Variants in PCSK6 observed in about 807,000 individuals in gnomAD.
PCSK6 encodes the protein proprotein convertase subtilisin/kexin type 6.
In PCSK6, 85 loss-of-function variants were observed where a neutral mutation model predicts 123.3. The ratio of observed to expected loss-of-function variants is 0.69; its 90% confidence interval spans 0.58 to 0.83. The LOEUF is 0.83. PCSK6 is among the 40% of genes least tolerant of loss of function. The probability of loss-of-function intolerance (pLI) is 0.00; values close to 1 mark genes in which losing one functional copy is unlikely to be tolerated. For missense variants in PCSK6, 1,191 were observed against 1,282.3 expected (o/e 0.93, Z 1.09); for synonymous variants, 508 against 516.0 (o/e 0.98, Z 0.21).
At position 101,307,273 on chromosome 15, in the gene PCSK6, A is replaced by C; in HGVS notation, c.2752T>G (p.Cys918Gly). 6.2e-7 allele frequency: 1 copy of C among 1,613,770 alleles called. No individual in the cohort carries two copies. ...CCCAGCTGTGTGAAGCCCGTCTTAC[A>C]CCTGCTACAGTTCCTGCTGGAGCCT... The part of the protein sequence containing the change: ...CAGSSRNCSR[C>G]KTGFTQLGTS... Residue 918 changes from cysteine to glycine, a missense_variant, in exon 21 of 22, where the codon TGT (cysteine) becomes GGT (glycine). Coordinates refer to ENST00000611716, the MANE Select transcript of PCSK6 (RefSeq NM_002570.5).
intron 8 of PCSK6, among the ~76,000 whole-genome samples, chr15:101,391,879 T>C (rs1232333570): frequency 1.3e-5 from 2 of 152,236 alleles, no homozygotes; most frequent in African/African-American, 4.8e-5. Context: ...CTCCAAACTA[T>C]ACCCTTCTTA....
At chr15:101,318,509 G>A (rs2040045511) in intron 18 of PCSK6, 87 bp from the exon 19 acceptor site, 2 of 1,089,994 alleles carry the variant, frequency 1.8e-6, no homozygotes, top group Non-Finnish European at 2.7e-6. Flanking sequence ...AAGAGGAGAT[G>A]TAAGTGGCTG....
At chr15:101,348,766 G>A (rs964390193) in intron 13 of PCSK6, among the ~76,000 whole-genome samples, 5 of 152,132 alleles carry the variant, frequency 3.3e-5, no homozygotes, top group Non-Finnish European at 7.4e-5. Flanking sequence ...GAGAGATTCC[G>A]TGACCAGGCC....
At chr15:101,354,836 T>C (rs1164570993) in intron 13 of PCSK6, among the ~76,000 whole-genome samples, 2 of 152,202 alleles carry the variant, frequency 1.3e-5, no homozygotes, top group Non-Finnish European at 2.9e-5. Context: ...AAAGCACAAA[T>C]CATAGGCATC....
intron 1 of PCSK6, among the ~76,000 whole-genome samples, chr15:101,476,068 C>T (rs536143694): frequency 6.6e-6 from 1 of 152,296 alleles, no homozygotes; most frequent in South Asian, 2.1e-4. Flanking sequence ...TTGGCTCTGG[C>T]ACCTACAAGT....
intron 13 of PCSK6, among the ~76,000 whole-genome samples, chr15:101,351,039 T>C (rs2040876405): frequency 6.6e-6 from 1 of 152,232 alleles, no homozygotes; most frequent in Non-Finnish European, 1.5e-5. Context: ...CACTATATTT[T>C]GTCATTATCT....
At position 101,389,461 on chromosome 15, in the gene PCSK6, T is replaced by TA; in HGVS notation, c.1310+2dup. On this transcript the variant is annotated splice_region_variant and intron_variant, in intron 9 of 21. Coordinates refer to ENST00000611716, the MANE Select transcript of PCSK6 (RefSeq NM_002570.5). ...TTTTAGAAAAAGGTAAGTGGGAACT[T>TA]ACTTTGCTTCTAGAGCCAAGGCGAT... 1.2e-6 allele frequency: 2 copies of TA among 1,608,446 alleles called. No individual in the cohort carries two copies. The highest frequency in any genetic ancestry group is 4.5e-5 in the East Asian group (2 of 44,852).
chr15:101,358,546 C>A (rs2041114013), intron 13 of PCSK6, among the ~76,000 whole-genome samples: 1 of 152,238 alleles, frequency 6.6e-6, no homozygotes, highest in African/African-American at 2.4e-5. Context: ...GTCTTGGAGC[C>A]TCTCTGTGCC....
chr15:101,445,441 C>T (rs1192194953), intron 1 of PCSK6, among the ~76,000 whole-genome samples: 5 of 152,214 alleles, frequency 3.3e-5, no homozygotes, highest in African/African-American at 9.6e-5. Flanking sequence ...GCTCGATACA[C>T]GGTTTTCCGC....
chr15:101,429,938 G>T lies in PCSK6; in HGVS notation c.734+49C>A, dbSNP rs373392649. On this transcript the variant is annotated intron_variant, in intron 5 of 21. Transcript: ENST00000611716. ...CCTCGCACACACATTCAATAGTGAC[G>T]CTGCAGGGAGGGGAAGAGAAGCCGG... 22 of 1,450,820 alleles carry T rather than the reference G, an allele frequency of 1.5e-5. No individual in the cohort carries two copies. The South Asian group carries it at 2.4e-4, about 16-fold the overall frequency. The allele number at this position is 1,450,820 out of a possible 1,614,324, so 89.9% of individuals were successfully genotyped here.
At chr15:101,387,250 C>G (rs2042090344) in intron 9 of PCSK6, among the ~76,000 whole-genome samples, 1 of 152,198 alleles carries the variant, frequency 6.6e-6, no homozygotes, top group Non-Finnish European at 1.5e-5. Context: ...CTCGAGTAGC[C>G]CATGGCCGTG....
intron 13 of PCSK6, among the ~76,000 whole-genome samples, chr15:101,341,580 A>G (rs2040609950): frequency 6.6e-6 from 1 of 152,162 alleles, no homozygotes; most frequent in Non-Finnish European, 1.5e-5. Context: ...TGGTATTTTT[A>G]AAGTGCTGGA....
chr15:101,477,666 T>A (rs2057767059), intron 1 of PCSK6, among the ~76,000 whole-genome samples: 1 of 152,216 alleles, frequency 6.6e-6, no homozygotes, highest in Non-Finnish European at 1.5e-5. Flanking sequence ...TGTATTATAC[T>A]GAGAGGAATC....
intron 1 of PCSK6, among the ~76,000 whole-genome samples, chr15:101,483,895 C>T (rs1375744234): frequency 6.6e-6 from 1 of 152,240 alleles, no homozygotes; most frequent in Admixed American, 6.5e-5. Context: ...CATGGGCCTG[C>T]AGGCACCTGC....
At position 101,398,048 on chromosome 15, in the gene PCSK6, C is replaced by A. The variant is rs555444511; in HGVS notation, c.996+356G>T. ...AAGGGCAGGTGGGCCGAGGCCCCTGCAGAGTCCAAGTAACAGGCCAGGTGA... is the reference window on the plus strand; with the variant it reads ...AAGGGCAGGTGGGCCGAGGCCCCTGAAGAGTCCAAGTAACAGGCCAGGTGA... On this transcript the variant is annotated intron_variant, in intron 7 of 21. Coordinates refer to ENST00000611716, the MANE Select transcript of PCSK6 (RefSeq NM_002570.5). This position sits in a 1 kb window ranked among gnomAD's most constrained non-coding sequence, Gnocchi z 4.6. 1.3e-5 allele frequency among the ~76,000 whole-genome samples: 2 copies of A among 152,220 alleles called. No individual in the cohort carries two copies. Among genetic ancestry groups the A allele is most frequent in the Admixed American group, 6.5e-5 (1 of 15,288 alleles).
At chr15:101,462,062 T>TAA (rs2057352228) in intron 1 of PCSK6, among the ~76,000 whole-genome samples, 1 of 152,230 alleles carries the variant, frequency 6.6e-6, no homozygotes, top group Non-Finnish European at 1.5e-5. Flanking sequence ...TCTACATAGA[T>TAA]AACCATATCA....
intron 13 of PCSK6, among the ~76,000 whole-genome samples, chr15:101,333,114 C>T (rs1160704601): frequency 3.9e-5 from 6 of 152,150 alleles, no homozygotes; most frequent in East Asian, 3.9e-4. Context: ...ATCTGCAGGC[C>T]GACTCTGCTG....
At chr15:101,475,828 G>A (rs1354896256) in intron 1 of PCSK6, among the ~76,000 whole-genome samples, 1 of 152,056 alleles carries the variant, frequency 6.6e-6, no homozygotes, top group Admixed American at 6.6e-5. Flanking sequence ...GGGAAAAGAA[G>A]CATATTAAAA....
At chr15:101,328,156 C>T (rs2040300499) in intron 15 of PCSK6, among the ~76,000 whole-genome samples, 1 of 152,232 alleles carries the variant, frequency 6.6e-6, no homozygotes, top group Admixed American at 6.5e-5. Context: ...CTCGCCTTCC[C>T]ACCCTCGCAG....
Sources: gnomAD v4.1 joint callset for allele counts (sites outside exome capture counted in the v4.1 genomes callset) on GRCh38, gnomAD v4.1.1 for gene constraint, Gnocchi (gnomAD v3.1) non-coding constraint, MANE v1.5 for transcripts, NCBI Gene and HGNC (gene_info 2026-07-23, HGNC 2026-07-21) for gene names.